Variants in ZNF180 observed in about 807,000 individuals in gnomAD.
ZNF180 encodes the protein zinc finger protein 180 (HHZ168).
In ZNF180, 11 loss-of-function variants were observed where a neutral mutation model predicts 11.8. That is an observed-to-expected ratio of 0.93 (90% CI 0.59 to 1.55). ZNF180 has a LOEUF of 1.55. Among genes scored for constraint, ZNF180 ranks in the 40% most tolerant of loss-of-function variants. ZNF180 has a pLI of 0.00. For missense variants in ZNF180, 773 were observed against 781.7 expected, an observed-to-expected ratio of 0.99 and a Z score of 0.13; for synonymous variants, 287 against 257.7, an observed-to-expected ratio of 1.11 and a Z score of -1.09.
rs992622162 is a variant in ZNF180 at position 44,477,935 on chromosome 19, T to A, written c.465A>T (p.Lys155Asn). The change falls in exon 5 of 5, where the codon AAA becomes AAT. Residue 155 changes from lysine to asparagine, a missense_variant. Transcript: ENST00000592529. ...LLQEVAFTQR[K>N]AVIHERVCKS... ...TGCAGACTCTCTCATGAATAACTGC[T>A]TTCCTTTGAGTGAATGCCACTTCCT... The A allele has an allele frequency of 4.3e-6, 7 of 1,613,898 alleles. No homozygotes were observed. Among genetic ancestry groups the A allele is most frequent in the Non-Finnish European group, 5.9e-6 (7 of 1,179,968 alleles).
intron 2 of ZNF180, 108 bp from the exon 3 acceptor site, chr19:44,484,543 C>T (rs909634845): frequency 7.9e-5 from 59 of 746,066 alleles, no homozygotes; most frequent in East Asian, 1.3e-4. Flanking sequence ...CCTATTTTAA[C>T]GCATCCCTCC....
chr19:44,479,874 C>T lies in ZNF180; in HGVS notation c.127-465G>A, dbSNP rs1374750545. 2.0e-5 allele frequency among the ~76,000 whole-genome samples: 3 copies of T among 152,090 alleles called. No individual in the cohort carries two copies. In the East Asian group the frequency reaches 5.8e-4, roughly 29 times the overall value. ...CTCTGCTGCTATAGCAAGAAATTAGCCACAGAAAATATATAAACAAATGGG... is the reference window on the plus strand; with the variant it reads ...CTCTGCTGCTATAGCAAGAAATTAGTCACAGAAAATATATAAACAAATGGG... On this transcript the variant is annotated intron_variant, in intron 3 of 4. Transcript: ENST00000592529.
chr19:44,496,271 G>C (rs924209861), intron 2 of ZNF180, among the ~76,000 whole-genome samples: 4 of 151,810 alleles, frequency 2.6e-5, no homozygotes, highest in African/African-American at 9.7e-5. Context: ...CTCCCACCTC[G>C]GCCTCCCAAA....
At position 44,476,413 on chromosome 19, in the gene ZNF180, CAT is replaced by C. The variant is rs776299732; in HGVS notation, c.1985_1986del (p.Tyr662Ter). 9 of 1,579,422 alleles carry C rather than the reference CAT, an allele frequency of 5.7e-6. No individual in the cohort carries two copies. In the South Asian group the frequency reaches 8.2e-5, roughly 14 times the overall value. ...AGCTGATTTACAAACTAGTTACATTCATAGAGTTTCTCTTCAGTATGAGTTGC... is the reference window on the plus strand; with the variant it reads ...AGCTGATTTACAAACTAGTTACATTCAGAGTTTCTCTTCAGTATGAGTTGC... Reference protein sequence around the residue: ...HQATHTEEKLYECN With the variant: ...HQATHTEEKLXECN On this transcript the variant is annotated frameshift_variant, in exon 5 of 5. Coordinates refer to ENST00000592529, the MANE Select transcript of ZNF180 (RefSeq NM_001278509.3). LOFTEE classifies it high-confidence loss of function.
chr19:44,477,170 A>ATAAGGCTTCTCCCC lies in ZNF180; in HGVS notation c.1216_1229dup (p.Tyr410Ter), dbSNP rs1160066953. ...ATGACTTTCCACACTGATTGCATTC[A>ATAAGGCTTCTCCCC]TAAGGCTTCTCCCCAGTATGAGTTC... On this transcript the variant is annotated stop_gained and frameshift_variant, in exon 5 of 5. Coordinates refer to ENST00000592529, the MANE Select transcript of ZNF180 (RefSeq NM_001278509.3). LOFTEE classifies it low-confidence loss of function (END_TRUNC). 1 of 1,613,312 alleles carries ATAAGGCTTCTCCCC rather than the reference A, an allele frequency of 6.2e-7. No homozygotes were observed. Among genetic ancestry groups the ATAAGGCTTCTCCCC allele is most frequent in the South Asian group, 1.1e-5 (1 of 91,058 alleles).
intron 3 of ZNF180, among the ~76,000 whole-genome samples, chr19:44,480,187 G>A (rs1462147137): frequency 6.6e-6 from 1 of 152,094 alleles, no homozygotes; most frequent in Non-Finnish European, 1.5e-5. Context: ...GCTCACTGCA[G>A]CCTCCATCTT....
intron 2 of ZNF180, among the ~76,000 whole-genome samples, chr19:44,487,146 G>C (rs1051682283): frequency 3.3e-5 from 5 of 152,210 alleles, no homozygotes; most frequent in Admixed American, 1.3e-4. Context: ...ACTTGATGTG[G>C]AGAGGTCAAG....
chr19:44,487,588 TG>T (rs1970262590), intron 2 of ZNF180, among the ~76,000 whole-genome samples: 1 of 152,204 alleles, frequency 6.6e-6, no homozygotes. Context: ...ACCCCAGTCC[TG>T]GAAAACTCAT....
At chr19:44,491,246 C>A (rs780397606) in intron 2 of ZNF180, among the ~76,000 whole-genome samples, 6 of 152,234 alleles carry the variant, frequency 3.9e-5, no homozygotes, top group African/African-American at 7.2e-5. Context: ...TAGAGGAAAC[C>A]TTTGTTGGGT....
In ZNF180 at chr19:44,477,469, A is replaced by G. The variant is rs1418196901; in HGVS notation, c.931T>C (p.Ser311Pro). The G allele has an allele frequency of 6.2e-7, 1 of 1,614,040 alleles. No homozygotes were observed. The highest frequency in any genetic ancestry group is 1.1e-5 in the South Asian group (1 of 91,064). Reference protein sequence around the residue: ...QYKCSETSHSSSLTQNMRNNS... With the variant: ...QYKCSETSHSPSLTQNMRNNS... The stretch of plus-strand genomic sequence containing the variant: ...TTTCTCATGTTTTGAGTAAGGGAGG[A>G]ACTATGAGAGGTTTCACTACATTTA... The change falls in exon 5 of 5, where the codon TCC (serine) becomes CCC (proline). Residue 311 changes from serine to proline, a missense_variant. Ser to Pro is a moderately conservative substitution (Grantham distance 74). Coordinates refer to ENST00000592529, the MANE Select transcript of ZNF180 (RefSeq NM_001278509.3).
chr19:44,487,328 G>A (rs1970255343), intron 2 of ZNF180, among the ~76,000 whole-genome samples: 1 of 152,224 alleles, frequency 6.6e-6, no homozygotes, highest in Admixed American at 6.5e-5. Context: ...TTCACAATAA[G>A]TATCAAAGAG....
At chr19:44,487,713 TTTTG>T (rs561143891) in intron 2 of ZNF180, among the ~76,000 whole-genome samples, 17 of 152,214 alleles carry the variant, frequency 1.1e-4, no homozygotes, top group Middle Eastern at 3.4e-3. Context: ...TCTTTTACTT[TTTTG>T]TTTGTTTGTT....
chr19:44,479,626 G>T, intron 3 of ZNF180: 1 of 566,806 alleles, frequency 1.8e-6, no homozygotes, highest in Non-Finnish European at 3.1e-6. Flanking sequence ...ACTCCAAAGA[G>T]GAATACCAGA....
At chr19:44,494,275 T>C (rs1279046119) in intron 2 of ZNF180, among the ~76,000 whole-genome samples, 2 of 152,152 alleles carry the variant, frequency 1.3e-5, no homozygotes, top group East Asian at 3.9e-4. Context: ...AGACTTCTAA[T>C]TCAGCTCACA....
chr19:44,476,827 T>C lies in ZNF180; in HGVS notation c.1573A>G (p.Ser525Gly). 1 of 1,614,196 alleles carries C rather than the reference T, an allele frequency of 6.2e-7. No homozygotes were observed. Among genetic ancestry groups the C allele is most frequent in the Non-Finnish European group, 8.5e-7 (1 of 1,180,018 alleles). The change falls in exon 5 of 5, where the codon AGT becomes GGT. Residue 525 changes from serine (S) to glycine (G), a missense_variant. By Grantham distance (56) the Ser-to-Gly change is moderately conservative. Coordinates refer to ENST00000592529, the MANE Select transcript of ZNF180 (RefSeq NM_001278509.3). Reference protein sequence around the residue: ...THTGEKPYECSECGKSFNRSS... With the variant: ...THTGEKPYECGECGKSFNRSS... ...CGGTTAAAAGATTTTCCACATTCAC[T>C]ACATTCATACGGTTTCTCTCCAGTG...
chr19:44,486,862 G>A (rs936358481), intron 2 of ZNF180, among the ~76,000 whole-genome samples: 1 of 152,072 alleles, frequency 6.6e-6, no homozygotes, highest in Non-Finnish European at 1.5e-5. Flanking sequence ...TCAACATGGC[G>A]AAACCCCATC....
intron 3 of ZNF180, among the ~76,000 whole-genome samples, chr19:44,482,684 TA>T (rs1465912142): frequency 6.6e-6 from 1 of 152,238 alleles, no homozygotes; most frequent in Non-Finnish European, 1.5e-5. Context: ...GATGAGAATA[TA>T]AAAATAACTG....
At chr19:44,498,347 T>C (rs1970643791) in intron 1 of ZNF180, among the ~76,000 whole-genome samples, 1 of 151,826 alleles carries the variant, frequency 6.6e-6, no homozygotes, top group Non-Finnish European at 1.5e-5. Context: ...GCACTCCATC[T>C]CTCCCACTTA....
rs1343257471 is a variant in ZNF180, at chr19:44,479,138, A to C, written c.253+145T>G. On this transcript the variant is annotated intron_variant, in intron 4 of 4. Transcript: ENST00000592529. The stretch of plus-strand genomic sequence containing the variant: ...TATTTCTACCCTACAAACTAAAATT[A>C]ATCTTCACTGGGGAATAAAGAGCAC... The C allele has an allele frequency of 2.7e-4, 254 of 950,116 alleles. 2 individuals are homozygous for C. Among genetic ancestry groups the C allele is most frequent in the Non-Finnish European group, 1.8e-5 (12 of 661,084 alleles). The allele number at this position is 950,116 out of a possible 1,614,324, so 58.9% of individuals were successfully genotyped here. A position where few individuals can be genotyped will look rare whatever the true frequency, so the allele number is the denominator to read the frequency against.
Sources: gnomAD v4.1 joint callset for allele counts (sites outside exome capture counted in the v4.1 genomes callset) on GRCh38, gnomAD v4.1.1 for gene constraint, MANE v1.5 for transcripts, NCBI Gene and HGNC (gene_info 2026-07-23, HGNC 2026-07-21) for gene names.